Variants in MYO5C observed in about 807,000 individuals in gnomAD.
The protein encoded by MYO5C is myosin VC.
Under a neutral mutation model 235.7 loss-of-function variants are expected in MYO5C, and 194 were observed. The ratio of observed to expected loss-of-function variants is 0.82; its 90% CI spans 0.73 to 0.93. The LOEUF is 0.93. MYO5C is among the 40% of genes least tolerant of loss of function. The pLI is 0.00. For missense variants in MYO5C, 2,038 were observed against 2,127.2 expected (o/e 0.96, Z 0.82); for synonymous variants, 707 against 754.8 (o/e 0.94, Z 1.04).
chr15:52,285,730 C>A (rs879799491), intron 1 of MYO5C, among the ~76,000 whole-genome samples: 73 of 152,268 alleles, frequency 4.8e-4, no homozygotes, highest in Non-Finnish European at 9.1e-4. Context: ...CTCGGCTTCC[C>A]GAGTTGCTGG....
intron 19 of MYO5C, among the ~76,000 whole-genome samples, chr15:52,244,129 C>A (rs768266005): frequency 6.6e-6 from 1 of 152,176 alleles, no homozygotes; most frequent in African/African-American, 2.4e-5. Flanking sequence ...CCCTGCAGGG[C>A]CCTGGGTGTC....
At chr15:52,227,928 G>C (rs1334244072) in intron 25 of MYO5C, among the ~76,000 whole-genome samples, 4 of 152,086 alleles carry the variant, frequency 2.6e-5, no homozygotes, top group Non-Finnish European at 5.9e-5. Flanking sequence ...CACATATTTA[G>C]TAGAAGCTTA....
chr15:52,253,106 G>A (rs1287685296), intron 12 of MYO5C, among the ~76,000 whole-genome samples: 1 of 152,200 alleles, frequency 6.6e-6, no homozygotes, highest in Non-Finnish European at 1.5e-5. Flanking sequence ...AGGTGGTGCA[G>A]CTCCCCAAGC....
rs1596192863 is a variant in MYO5C at position 52,251,180 on chromosome 15, T to C, written c.1662+210A>G. The C allele has an allele frequency of 3.0e-5, 11 of 365,726 alleles. No homozygotes were observed. In the East Asian group the frequency reaches 4.5e-4, roughly 15 times the overall value. 22.7% of individuals were successfully genotyped at this position (365,726 alleles called of 1,614,324 possible). Reference sequence around the variant, plus strand: ...TACATCCAAAATCAGAAGTGTGGTCTTCTAACAACACATTCGTCTTTAAAG... The same window carrying C: ...TACATCCAAAATCAGAAGTGTGGTCCTCTAACAACACATTCGTCTTTAAAG... On this transcript the variant is annotated intron_variant, in intron 13 of 40. Transcript: ENST00000261839.
intron 2 of MYO5C, among the ~76,000 whole-genome samples, chr15:52,280,171 T>C (rs2037135874): frequency 6.6e-6 from 1 of 152,234 alleles, no homozygotes; most frequent in African/African-American, 2.4e-5. Context: ...CTGCTCAAAG[T>C]TGACACACTT....
intron 32 of MYO5C, among the ~76,000 whole-genome samples, chr15:52,217,704 T>C (rs1045503346): frequency 2.6e-5 from 4 of 152,242 alleles, no homozygotes; most frequent in Non-Finnish European, 5.9e-5. Context: ...CTCTTCAAAG[T>C]TAAACCCTGA....
chr15:52,274,282 G>T (rs892131552), intron 5 of MYO5C, among the ~76,000 whole-genome samples: 7 of 152,068 alleles, frequency 4.6e-5, no homozygotes, highest in Admixed American at 4.6e-4. Flanking sequence ...ACTGGCTCTT[G>T]ATAACTTTTA....
intron 23 of MYO5C, among the ~76,000 whole-genome samples, chr15:52,233,883 C>T (rs528040164): frequency 1.2e-4 from 19 of 152,258 alleles, no homozygotes; most frequent in African/African-American, 3.4e-4. Flanking sequence ...AAGGAGTCCT[C>T]GGGGTGCACC....
intron 1 of MYO5C, among the ~76,000 whole-genome samples, chr15:52,290,993 A>G (rs1258237964): frequency 6.6e-6 from 1 of 152,210 alleles, no homozygotes; most frequent in African/African-American, 2.4e-5. Context: ...TCAGCTGGTA[A>G]GCATGATTCA....
chr15:52,257,994 C>T (rs1226196155), intron 10 of MYO5C, among the ~76,000 whole-genome samples: 2 of 152,144 alleles, frequency 1.3e-5, no homozygotes, highest in African/African-American at 2.4e-5. Flanking sequence ...CTCAGAGATT[C>T]GGAGGCTGGT....
At chr15:52,267,623 T>C (rs1596212493) in intron 8 of MYO5C, among the ~76,000 whole-genome samples, 1 of 151,934 alleles carries the variant, frequency 6.6e-6, no homozygotes. Flanking sequence ...GAGGCAGAGG[T>C]TGCAGTGAGC....
chr15:52,239,659 T>A, intron 21 of MYO5C, 74 bp downstream of exon 21: 2 of 1,485,258 alleles, frequency 1.3e-6, no homozygotes, highest in Non-Finnish European at 9.1e-7. Flanking sequence ...ATAGCACAGC[T>A]AAGGAACTGC....
chr15:52,263,040 A>C (rs185432234), intron 9 of MYO5C, among the ~76,000 whole-genome samples: 40 of 152,298 alleles, frequency 2.6e-4, no homozygotes, highest in Middle Eastern at 6.8e-3. Flanking sequence ...GAAGGTGGCT[A>C]TCTAGGAGCC....
chr15:52,206,314 A>G (rs2035313020), intron 36 of MYO5C, among the ~76,000 whole-genome samples: 1 of 152,250 alleles, frequency 6.6e-6, no homozygotes, highest in Non-Finnish European at 1.5e-5. Context: ...AGGTAAGTGG[A>G]TACAATAAAT....
intron 1 of MYO5C, among the ~76,000 whole-genome samples, chr15:52,286,305 G>A (rs1418191554): frequency 4.0e-5 from 6 of 149,988 alleles, no homozygotes; most frequent in East Asian, 4.1e-4. Context: ...CGCCCCGTCC[G>A]GGAGGGAGGT....
rs949593584 is a variant in MYO5C at position 52,261,026 on chromosome 15, C to G, written c.1149G>C (p.Glu383Asp). Reference sequence around the variant, plus strand: ...GCCTGGTCATGGGTTTTACCACCGTCTCAGAGCTTGTGACGATTTTGCGAT... The same window carrying G: ...GCCTGGTCATGGGTTTTACCACCGTGTCAGAGCTTGTGACGATTTTGCGAT... ...LCNRKIVTSSETVVKPMTRPQ... is the reference protein window; with the variant it reads ...LCNRKIVTSSDTVVKPMTRPQ... The change falls in exon 10 of 41, where the codon GAG (glutamate) becomes GAC (aspartate). Residue 383 changes from glutamate to aspartate, a missense_variant. Physicochemically the swap from Glu to Asp is conservative, Grantham distance 45. Transcript: ENST00000261839. The G allele has an allele frequency of 1.4e-5, 23 of 1,614,122 alleles. No homozygotes were observed. Among genetic ancestry groups the G allele is most frequent in the Non-Finnish European group, 1.9e-5 (23 of 1,180,050 alleles).
chr15:52,286,022 G>A (rs1273015218), intron 1 of MYO5C, among the ~76,000 whole-genome samples: 6 of 152,168 alleles, frequency 3.9e-5, no homozygotes, highest in African/African-American at 1.4e-4. Context: ...CGTCTGAGAT[G>A]TGGGGAGCGC....
chr15:52,239,516 T>C (rs2036166126), intron 21 of MYO5C, among the ~76,000 whole-genome samples: 1 of 152,236 alleles, frequency 6.6e-6, no homozygotes, highest in East Asian at 1.9e-4. Flanking sequence ...CCACCTGCCC[T>C]CTGAGGTAGG....
intron 1 of MYO5C, among the ~76,000 whole-genome samples, chr15:52,285,548 G>C (rs1212658441): frequency 1.3e-5 from 2 of 151,962 alleles, no homozygotes; most frequent in Non-Finnish European, 2.9e-5. Flanking sequence ...AAGCTGGACT[G>C]TACTGCTGCC....
Sources: gnomAD v4.1 joint callset for allele counts (sites outside exome capture counted in the v4.1 genomes callset) on GRCh38, gnomAD v4.1.1 for gene constraint, MANE v1.5 for transcripts, NCBI Gene and HGNC (gene_info 2026-07-23, HGNC 2026-07-21) for gene names.